The following SMAD2 variants were observed in gnomAD, a reference collection of about 807,000 sequenced individuals.
SMAD2 encodes MAD homolog 2.
SMAD2 carries 8 observed loss-of-function variants against 64.4 expected under a neutral mutation model. The ratio of observed to expected loss-of-function variants is 0.12; its 90% CI spans 0.07 to 0.22. The LOEUF (loss-of-function observed/expected upper bound fraction) is 0.22. Among genes scored for constraint, SMAD2 ranks in the 10% least tolerant of loss-of-function variants. The probability of loss-of-function intolerance (pLI) is 1.00; values close to 1 mark genes in which losing one functional copy is unlikely to be tolerated. For missense variants in SMAD2, 289 were observed against 561.2 expected (o/e 0.51, Z 4.90); for synonymous variants, 203 against 195.8 (o/e 1.04, Z -0.31).
intron 1 of SMAD2, among the ~76,000 whole-genome samples, chr18:47,921,865 T>A (rs373122023): frequency 2.6e-5 from 4 of 152,222 alleles, no homozygotes; most frequent in African/African-American, 4.8e-5. Context: ...TATCCAACAT[T>A]TTCATCTGTT....
At chr18:47,882,698 A>G (rs144101705) in intron 2 of SMAD2, among the ~76,000 whole-genome samples, 18 of 152,328 alleles carry the variant, frequency 1.2e-4, no homozygotes, top group African/African-American at 4.3e-4. Context: ...AAGATTGGTG[A>G]TATTTGTTGC....
Position 47,906,541 on chromosome 18 carries a change from G to A in SMAD2, c.-53-9732C>T, listed in dbSNP as rs185275955. ...AATACCATTTCACACCATCTAGAAT[G>A]GTTTAAAATTTTTCTGACACTACTA... On this transcript the variant is annotated intron_variant, in intron 1 of 10. Coordinates refer to ENST00000262160, the MANE Select transcript of SMAD2 (RefSeq NM_005901.6). 1.6e-4 allele frequency among the ~76,000 whole-genome samples: 24 copies of A among 152,216 alleles called. No individual in the cohort carries two copies. The East Asian group carries it at 4.6e-3, about 29-fold the overall frequency.
At chr18:47,868,544 G>C (rs1489085326) in intron 4 of SMAD2, 87 bp from the exon 5 acceptor site, 1 of 1,069,420 alleles carries the variant, frequency 9.4e-7, no homozygotes, top group Admixed American at 1.9e-5. Flanking sequence ...AAGAAGAGAA[G>C]TTGTAGCTTA....
intron 1 of SMAD2, chr18:47,923,567 T>C (rs1209462664): frequency 6.6e-6 from 1 of 152,204 alleles, no homozygotes; most frequent in African/African-American, 2.4e-5. Context: ...GGCAGCTACC[T>C]GTTAAGATAG....
chr18:47,846,245 T>C (rs1009233100), intron 8 of SMAD2, among the ~76,000 whole-genome samples: 7 of 152,218 alleles, frequency 4.6e-5, no homozygotes, highest in African/African-American at 1.7e-4. Flanking sequence ...AAAAACTATA[T>C]ATTATGGTGG....
In SMAD2 at chr18:47,836,757, C is replaced by T. The variant is rs1303854070; in HGVS notation, c.*5070G>A. The T allele has an allele frequency of 4.1e-5, 9 of 219,906 alleles. No homozygotes were observed. Among genetic ancestry groups the T allele is most frequent in the South Asian group, 1.9e-4 (1 of 5,370 alleles). The allele number at this position is 219,906 out of a possible 1,614,324, so 13.6% of individuals were successfully genotyped here. A position where few individuals can be genotyped will look rare whatever the true frequency, so the allele number is the denominator to read the frequency against. On this transcript the variant is annotated 3_prime_UTR_variant, in exon 11 of 11. Transcript: ENST00000262160. ...ATGAACACACGAGATAAGTTCTTAT[C>T]GTAAATGCTATCATGAGGCTATCTA...
At chr18:47,926,423 G>C (rs1598909085) in intron 1 of SMAD2, among the ~76,000 whole-genome samples, 1 of 152,208 alleles carries the variant, frequency 6.6e-6, no homozygotes, top group East Asian at 1.9e-4. Context: ...GACTATTTTT[G>C]TGTCTTGTAG....
Position 47,839,714 on chromosome 18 carries a change from A to G in SMAD2, c.*2113T>C. ...CTGATCTTCAAGTTTGGATTTGTATAGAGGTTTCTGTATAAAGCATTAATA... is the reference window on the plus strand; with the variant it reads ...CTGATCTTCAAGTTTGGATTTGTATGGAGGTTTCTGTATAAAGCATTAATA... On this transcript the variant is annotated 3_prime_UTR_variant, in exon 11 of 11. Transcript: ENST00000262160. 4.3e-6 allele frequency: 1 copy of G among 233,428 alleles called. No individual in the cohort carries two copies. The highest frequency in any genetic ancestry group is 6.0e-5 in the East Asian group (1 of 16,692). 14.5% of individuals were successfully genotyped at this position (233,428 alleles called of 1,614,324 possible).
At position 47,820,853 on chromosome 18, in the gene SMAD2, A is replaced by G. The variant is rs547996799; in HGVS notation, c.*20974T>C. On this transcript the variant is annotated 3_prime_UTR_variant, in exon 11 of 11. Coordinates refer to ENST00000262160, the MANE Select transcript of SMAD2 (RefSeq NM_005901.6). ...ACAGTATATTCTATACATATGCTAT[A>G]TATTTGTATATACACGATAGTGTAA... 4.9e-4 allele frequency: 75 copies of G among 152,000 alleles called. 1 individual carries two copies. Among genetic ancestry groups the G allele is most frequent in the African/African-American group, 1.6e-3 (68 of 41,444 alleles). The allele number at this position is 152,000 out of a possible 1,614,324, so 9.4% of individuals were successfully genotyped here.
At chr18:47,850,077 G>A (rs79237189) in intron 7 of SMAD2, among the ~76,000 whole-genome samples, 2 of 144,436 alleles carry the variant, frequency 1.4e-5, no homozygotes, top group African/African-American at 2.6e-5. Context: ...ATTTTTTCCC[G>A]ATTATTTTCA....
At position 47,818,961 on chromosome 18, in the gene SMAD2, CTA is replaced by C. The variant is rs1912468382; in HGVS notation, c.*22864_*22865del. 1 of 152,106 alleles carries C rather than the reference CTA, an allele frequency of 6.6e-6. No homozygotes were observed. The highest frequency in any genetic ancestry group is 2.4e-5 in the African/African-American group (1 of 41,410). 9.4% of individuals were successfully genotyped at this position (152,106 alleles called of 1,614,324 possible). A position where few individuals can be genotyped will look rare whatever the true frequency, so the allele number is the denominator to read the frequency against. On this transcript the variant is annotated 3_prime_UTR_variant, in exon 11 of 11. Transcript: ENST00000262160. The stretch of plus-strand genomic sequence containing the variant: ...TATGACTAAAATTCTAAAATGAAAG[CTA>C]TGTTTGTGTATGTGTATGTTTAGGT...
At chr18:47,918,475 C>T (rs1290728884) in intron 1 of SMAD2, among the ~76,000 whole-genome samples, 1 of 152,196 alleles carries the variant, frequency 6.6e-6, no homozygotes, top group Admixed American at 6.5e-5. Context: ...GATCCCTCTC[C>T]AGTGAAACTG....
Position 47,848,508 on chromosome 18 carries a change from T to G in SMAD2, c.964A>C (p.Asn322His), listed in dbSNP as rs1568037724. ...CTTCTTGTCATTTCTACCGTGGCAT[T>G]TCGGTTAACATTGGAGAGTAAACCT... ...CLGLLSNVNR[N>H]ATVEMTRRHI... The change falls in exon 8 of 11, where the codon AAT becomes CAT. Residue 322 changes from asparagine (N) to histidine (H), a missense_variant. This residue lies in a region of SMAD2 where 49 missense variants were observed against 101.1 expected (regional missense o/e 0.48). Transcript: ENST00000262160. 1 of 1,613,998 alleles carries G rather than the reference T, an allele frequency of 6.2e-7. No individual in the cohort carries two copies. The highest frequency in any genetic ancestry group is 2.2e-5 in the East Asian group (1 of 44,868).
chr18:47,839,044 C>T lies in SMAD2; in HGVS notation c.*2783G>A, dbSNP rs887144504. On this transcript the variant is annotated 3_prime_UTR_variant, in exon 11 of 11. Transcript: ENST00000262160. ...AGAAAACAAAAAAAAAATCAGGCCACAGTAGATAAAATACAAAAAACATCA... is the reference window on the plus strand; with the variant it reads ...AGAAAACAAAAAAAAAATCAGGCCATAGTAGATAAAATACAAAAAACATCA... 2.6e-5 allele frequency: 6 copies of T among 232,766 alleles called. No individual in the cohort carries two copies. The highest frequency in any genetic ancestry group is 6.0e-5 in the East Asian group (1 of 16,656). 14.4% of individuals were successfully genotyped at this position (232,766 alleles called of 1,614,324 possible).
chr18:47,881,898 G>A (rs902924408), intron 2 of SMAD2, among the ~76,000 whole-genome samples: 4 of 151,916 alleles, frequency 2.6e-5, no homozygotes, highest in East Asian at 1.9e-4. Flanking sequence ...TGTTTTGCCC[G>A]ACAGGGTCTT....
At chr18:47,879,172 TG>T (rs2032438603) in intron 2 of SMAD2, among the ~76,000 whole-genome samples, 3 of 152,184 alleles carry the variant, frequency 2.0e-5, no homozygotes, top group Non-Finnish European at 4.4e-5. Context: ...CACTTAAGAA[TG>T]CACATAACTA....
chr18:47,875,581 A>G (rs1247500956), intron 2 of SMAD2, among the ~76,000 whole-genome samples: 1 of 152,160 alleles, frequency 6.6e-6, no homozygotes, highest in Non-Finnish European at 1.5e-5. Flanking sequence ...TTAGAGAAGT[A>G]GCACTGATTA....
chr18:47,927,948 CTT>C (rs1413078717), intron 1 of SMAD2, among the ~76,000 whole-genome samples: 3 of 152,184 alleles, frequency 2.0e-5, no homozygotes, highest in East Asian at 1.9e-4. Context: ...CATAACCTCT[CTT>C]AACTGGTTGT....
intron 8 of SMAD2, among the ~76,000 whole-genome samples, chr18:47,846,371 T>C (rs189002454): frequency 6.6e-6 from 1 of 152,144 alleles, no homozygotes; most frequent in East Asian, 1.9e-4. Context: ...ATATGAGATA[T>C]AAGAATTAAA....
Sources: gnomAD v4.1 joint callset for allele counts (sites outside exome capture counted in the v4.1 genomes callset) on GRCh38, gnomAD v4.1.1 for gene constraint, gnomAD v4.1.1 regional missense constraint, MANE v1.5 for transcripts, NCBI Gene and HGNC (gene_info 2026-07-23, HGNC 2026-07-21) for gene names.